TPD52L2: variants seen among roughly 807,000 people sequenced by gnomAD.
The protein encoded by TPD52L2 is tumor protein D54.
Under a neutral mutation model 24.7 loss-of-function variants are expected in TPD52L2, and 19 were observed. The observed-to-expected ratio is 0.77, with a 90% CI of 0.54 to 1.13. TPD52L2 has a LOEUF of 1.13. TPD52L2 is among the 50% of genes most tolerant of loss of function. The pLI is 0.00. For missense variants in TPD52L2, 236 were observed against 250.4 expected (o/e 0.94, Z 0.39); for synonymous variants, 104 against 100.2 (o/e 1.04, Z -0.23).
intron 5 of TPD52L2, chr20:63,888,744 CAG>C (rs1371166814): frequency 5.3e-6 from 1 of 189,470 alleles, no homozygotes; most frequent in Non-Finnish European, 1.1e-5. Context: ...TAGGGGACAG[CAG>C]AGAGGGGCCG....
chr20:63,877,678 T>G lies in TPD52L2; in HGVS notation c.374+1803T>G, dbSNP rs1378614801. Among the ~76,000 whole-genome samples, 1 of 152,264 alleles carries G rather than the reference T, an allele frequency of 6.6e-6. No homozygotes were observed. Among genetic ancestry groups the G allele is most frequent in the African/African-American group, 2.4e-5 (1 of 41,480 alleles). Reference sequence around the variant, plus strand: ...GACATAAAGCTGCCGGGATCCTATTTCAAATAAATAGTGTTTTAGAGAGCT... The same window carrying G: ...GACATAAAGCTGCCGGGATCCTATTGCAAATAAATAGTGTTTTAGAGAGCT... On this transcript the variant is annotated intron_variant, in intron 4 of 6. Transcript: ENST00000346249. The surrounding 1 kb of genome is among the most constrained non-coding windows in gnomAD (Gnocchi z 4.1).
intron 3 of TPD52L2, 110 bp from the exon 4 acceptor site, chr20:63,875,706 T>C: frequency 8.9e-7 from 1 of 1,128,612 alleles, no homozygotes. Context: ...GTGGAGTTGA[T>C]GTTCCTGCCA....
At chr20:63,887,418 G>T (rs1000065092) in intron 5 of TPD52L2, 6 of 913,830 alleles carry the variant, frequency 6.6e-6, no homozygotes, top group Non-Finnish European at 9.0e-6. Flanking sequence ...TCCTTCGGGG[G>T]CATTGTGTGG....
chr20:63,889,126 C>T lies in TPD52L2; in HGVS notation c.477-64C>T, dbSNP rs1052752260. 60 of 1,469,982 alleles carry T rather than the reference C, an allele frequency of 4.1e-5. No individual in the cohort carries two copies. The East Asian group carries it at 5.2e-4, about 13-fold the overall frequency. The allele number at this position is 1,469,982 out of a possible 1,614,324, so 91.1% of individuals were successfully genotyped here. A position where few individuals can be genotyped will look rare whatever the true frequency, so the allele number is the denominator to read the frequency against. ...GCTGGCCCTAACCCTGAGGCCCTTC[C>T]GAGTTAGGAGAGCAGCACAACCCTC... On this transcript the variant is annotated intron_variant, in intron 5 of 6. Transcript: ENST00000346249.
chr20:63,877,079 G>T lies in TPD52L2; in HGVS notation c.374+1204G>T, dbSNP rs1005130694. ...CTCGTTCTGTCTCCCAGGCTGGAGT[G>T]CAGTGGCGCCATCTGGGCTCACTGC... On this transcript the variant is annotated intron_variant, in intron 4 of 6. Coordinates refer to ENST00000346249, the MANE Select transcript of TPD52L2 (RefSeq NM_003288.4). This position sits in a 1 kb window ranked among gnomAD's most constrained non-coding sequence, Gnocchi z 4.1. 2.3e-5 allele frequency: 10 copies of T among 426,476 alleles called. No homozygotes were observed. Among genetic ancestry groups the T allele is most frequent in the Admixed American group, 5.4e-5 (2 of 36,790 alleles). 26.4% of individuals were successfully genotyped at this position (426,476 alleles called of 1,614,324 possible).
At chr20:63,871,727 A>G (rs564498765) in intron 2 of TPD52L2, among the ~76,000 whole-genome samples, 1 of 142,138 alleles carries the variant, frequency 7.0e-6, no homozygotes, top group South Asian at 2.3e-4. Flanking sequence ...TCTGCCTCCC[A>G]GGTTCAAGTG....
At chr20:63,887,441 C>A in intron 5 of TPD52L2, 2 of 1,080,802 alleles carry the variant, frequency 1.9e-6, no homozygotes, top group Non-Finnish European at 2.9e-6. Flanking sequence ...GGGCAGGCAG[C>A]TCGCTCCAAC....
intron 3 of TPD52L2, among the ~76,000 whole-genome samples, chr20:63,874,228 T>G (rs34275638): frequency 0.06 from 8,445 of 139,934 alleles, 337 homozygotes; most frequent in South Asian, 0.11. Flanking sequence ...ATTTTTTTTT[T>G]TGTGTGTGTG....
Position 63,870,127 on chromosome 20 carries a change from A to AAAAAC in TPD52L2, c.165+696_165+700dup, listed in dbSNP as rs2146181551. On this transcript the variant is annotated intron_variant, in intron 2 of 6. Transcript: ENST00000346249. ...GGGTGACAGGGCGAGACCCTGTCTC[A>AAAAAC]AAAACAAAACAAAAACTTCTTTTCT... Among the ~76,000 whole-genome samples, 3 of 152,354 alleles carry AAAAAC rather than the reference A, an allele frequency of 2.0e-5. No homozygotes were observed. In the South Asian group the frequency reaches 6.2e-4, roughly 32 times the overall value.
chr20:63,870,666 G>A lies in TPD52L2; in HGVS notation c.165+1225G>A, dbSNP rs180727538. ...AGCCTCCTGAGTAGCTGGGACTACA[G>A]GCGCCCACCACCACGCCCGGCTAAT... On this transcript the variant is annotated intron_variant, in intron 2 of 6. Coordinates refer to ENST00000346249, the MANE Select transcript of TPD52L2 (RefSeq NM_003288.4). Among the ~76,000 whole-genome samples, 24 of 150,552 alleles carry A rather than the reference G, an allele frequency of 1.6e-4. No homozygotes were observed. The East Asian group carries it at 4.5e-3, about 28-fold the overall frequency.
intron 5 of TPD52L2, chr20:63,887,176 A>C (rs1212177511): frequency 2.9e-6 from 1 of 341,862 alleles, no homozygotes; most frequent in Non-Finnish European, 5.6e-6. Flanking sequence ...GTCTAGAGCC[A>C]GGCCCAGAAC....
At chr20:63,867,889 C>T (rs1334844815) in intron 1 of TPD52L2, among the ~76,000 whole-genome samples, 4 of 151,034 alleles carry the variant, frequency 2.6e-5, no homozygotes, top group Non-Finnish European at 5.9e-5. Context: ...CCGCCCGCCT[C>T]AGCCTCCCAA....
At chr20:63,872,580 G>A (rs2052508326) in intron 2 of TPD52L2, among the ~76,000 whole-genome samples, 1 of 151,720 alleles carries the variant, frequency 6.6e-6, no homozygotes, top group African/African-American at 2.4e-5. Context: ...GTTTTGTCAT[G>A]TTGGCCAGGC....
intron 4 of TPD52L2, among the ~76,000 whole-genome samples, chr20:63,878,808 A>G (rs770759871): frequency 6.6e-5 from 10 of 152,130 alleles, no homozygotes; most frequent in African/African-American, 9.7e-5. Flanking sequence ...GGAACTCCCA[A>G]ATGGGTGCTG....
At chr20:63,876,829 C>G (rs959167400) in intron 4 of TPD52L2, 22 of 455,166 alleles carry the variant, frequency 4.8e-5, no homozygotes, top group Non-Finnish European at 8.4e-5. Flanking sequence ...TCCAGGGACC[C>G]GGGTGGTTCG....
At chr20:63,870,386 T>A (rs1026278288) in intron 2 of TPD52L2, among the ~76,000 whole-genome samples, 2 of 152,148 alleles carry the variant, frequency 1.3e-5, no homozygotes, top group African/African-American at 4.8e-5. Flanking sequence ...CACACAGCTA[T>A]TTCTAGCCTA....
chr20:63,887,779 G>T, intron 5 of TPD52L2: 1 of 657,998 alleles, frequency 1.5e-6, no homozygotes, highest in Non-Finnish European at 2.7e-6. Context: ...AGGCTGACGA[G>T]GAAGAGCTGG....
At position 63,887,752 on chromosome 20, in the gene TPD52L2, C is replaced by T. The variant is rs990535919; in HGVS notation, c.477-1438C>T. On this transcript the variant is annotated intron_variant, in intron 5 of 6. Coordinates refer to ENST00000346249, the MANE Select transcript of TPD52L2 (RefSeq NM_003288.4). ...TTGGCAACCTCTGATGACTAAGGGC[C>T]GGTAAAAACCCCCTCTAGGCTGACG... is the stretch of plus-strand genomic sequence containing the variant. 1.9e-4 allele frequency: 148 copies of T among 788,238 alleles called. 1 individual carries two copies. Among genetic ancestry groups the T allele is most frequent in the Admixed American group, 8.6e-4 (42 of 48,962 alleles). 48.8% of individuals were successfully genotyped at this position (788,238 alleles called of 1,614,324 possible). A position where few individuals can be genotyped will look rare whatever the true frequency, so the allele number is the denominator to read the frequency against.
intron 3 of TPD52L2, among the ~76,000 whole-genome samples, chr20:63,874,285 T>C (rs2052583000): frequency 6.6e-6 from 1 of 151,270 alleles, no homozygotes; most frequent in Non-Finnish European, 1.5e-5. Flanking sequence ...TTTCACCATG[T>C]TGGCCAGGCT....
Sources: gnomAD v4.1 joint callset for allele counts (sites outside exome capture counted in the v4.1 genomes callset) on GRCh38, gnomAD v4.1.1 for gene constraint, Gnocchi (gnomAD v3.1) non-coding constraint, MANE v1.5 for transcripts, NCBI Gene and HGNC (gene_info 2026-07-23, HGNC 2026-07-21) for gene names.